The following OCLN variants were observed in gnomAD, a reference collection of about 807,000 sequenced individuals.
The protein encoded by OCLN is phosphatase 1, regulatory subunit 115.
Under a neutral mutation model 47.9 loss-of-function variants are expected in OCLN, and 21 were observed. The observed-to-expected ratio is 0.44, with a 90% CI of 0.31 to 0.63. OCLN has a LOEUF of 0.63. Ranked by LOEUF, OCLN falls within the 30% of genes least tolerant of loss-of-function variation. OCLN has a pLI of 0.08. For missense variants in OCLN, 360 were observed against 571.0 expected (o/e 0.63, Z 3.77); for synonymous variants, 117 against 198.4 (o/e 0.59, Z 3.45).
intron 1 of OCLN, among the ~76,000 whole-genome samples, chr5:69,499,068 A>G (rs1191274938): frequency 6.6e-6 from 1 of 152,018 alleles, no homozygotes; most frequent in Admixed American, 6.6e-5. Flanking sequence ...TTAAAAATCT[A>G]TTTTTTGTTT....
rs1768206377 is a variant in OCLN, at chr5:69,493,636, C to CGGAACTGCCTCCGGGCGGT, written c.-69+738_-69+756dup. On this transcript the variant is annotated intron_variant, in intron 1 of 8. Transcript: ENST00000396442. The surrounding 1 kb of genome is among the most constrained non-coding windows in gnomAD (Gnocchi z 5.3). ...ACCAAAAGGGCTGCCCCCAGGGGGG[C>CGGAACTGCCTCCGGGCGGT]GGAACTGCCTCCGGGCGGTGCCTGC... Among the ~76,000 whole-genome samples the CGGAACTGCCTCCGGGCGGT allele has an allele frequency of 6.6e-6, 1 of 152,104 alleles. No homozygotes were observed. Among genetic ancestry groups the CGGAACTGCCTCCGGGCGGT allele is most frequent in the African/African-American group, 2.4e-5 (1 of 41,428 alleles).
intron 3 of OCLN, among the ~76,000 whole-genome samples, chr5:69,512,000 A>G (rs1768800678): frequency 1.3e-5 from 2 of 149,056 alleles, no homozygotes; most frequent in Non-Finnish European, 3.0e-5. Flanking sequence ...TCCAGCCTAG[A>G]CAACAAGAGC....
chr5:69,525,880 T>C (rs1015006685), intron 4 of OCLN, among the ~76,000 whole-genome samples: 1 of 152,170 alleles, frequency 6.6e-6, no homozygotes, highest in Non-Finnish European at 1.5e-5. Flanking sequence ...AATCAACTAA[T>C]GTTTCCACTG....
intron 4 of OCLN, among the ~76,000 whole-genome samples, chr5:69,527,902 G>A (rs1244003298): frequency 6.6e-6 from 1 of 152,030 alleles, no homozygotes; most frequent in African/African-American, 2.4e-5. Context: ...GGGGGCTTAG[G>A]ATTTTATTTA....
intron 2 of OCLN, among the ~76,000 whole-genome samples, chr5:69,505,292 T>C (rs1007977790): frequency 2.6e-5 from 4 of 152,290 alleles, no homozygotes; most frequent in African/African-American, 9.6e-5. Flanking sequence ...TTTATTGAGA[T>C]ATAATTAACA....
chr5:69,506,216 A>C (rs970292383), intron 2 of OCLN, among the ~76,000 whole-genome samples: 1 of 152,232 alleles, frequency 6.6e-6, no homozygotes. Context: ...AGGCTGAGGC[A>C]GGAGGATTGC....
At chr5:69,511,848 A>C (rs1254213730) in intron 3 of OCLN, among the ~76,000 whole-genome samples, 1 of 152,040 alleles carries the variant, frequency 6.6e-6, no homozygotes, top group Non-Finnish European at 1.5e-5. Context: ...AACATGGTGA[A>C]ACTCCATCTC....
chr5:69,524,941 C>T (rs1769236330), intron 4 of OCLN, among the ~76,000 whole-genome samples: 1 of 152,100 alleles, frequency 6.6e-6, no homozygotes, highest in Admixed American at 6.6e-5. Context: ...CCTGCCTTGG[C>T]CTCCCAAAGT....
chr5:69,518,355 G>A (rs944122216), intron 4 of OCLN, among the ~76,000 whole-genome samples: 2 of 152,152 alleles, frequency 1.3e-5, no homozygotes, highest in Non-Finnish European at 2.9e-5. Context: ...AATGTTTTAT[G>A]TGATTCTTAA....
chr5:69,508,730 G>C (rs993406079), intron 2 of OCLN, among the ~76,000 whole-genome samples: 1 of 152,180 alleles, frequency 6.6e-6, no homozygotes, highest in African/African-American at 2.4e-5. Flanking sequence ...CCATTGTATG[G>C]ATATATTACA....
chr5:69,549,460 T>A (rs889418108), intron 7 of OCLN, among the ~76,000 whole-genome samples: 1 of 145,852 alleles, frequency 6.9e-6, no homozygotes, highest in African/African-American at 2.5e-5. Flanking sequence ...TAAAACAATC[T>A]CTCCAAGCAG....
At chr5:69,513,833 C>A in intron 3 of OCLN, 115 bp from the exon 4 acceptor site, 2 of 890,506 alleles carry the variant, frequency 2.2e-6, no homozygotes, top group Non-Finnish European at 3.7e-6. Flanking sequence ...ATCAATTAAA[C>A]CACATGGATT....
intron 4 of OCLN, among the ~76,000 whole-genome samples, chr5:69,527,258 CAG>C: frequency 6.7e-6 from 1 of 149,318 alleles, no homozygotes; most frequent in Non-Finnish European, 1.5e-5. Context: ...GCCTGGGTAA[CAG>C]AGTGAGACTT....
intron 1 of OCLN, among the ~76,000 whole-genome samples, chr5:69,496,002 C>A (rs747256243): frequency 1.3e-5 from 2 of 152,072 alleles, no homozygotes; most frequent in African/African-American, 2.4e-5. Context: ...CAATTTCTGA[C>A]ACAGAGTCTA....
chr5:69,506,808 T>C (rs1263852808), intron 2 of OCLN, among the ~76,000 whole-genome samples: 3 of 152,220 alleles, frequency 2.0e-5, no homozygotes, highest in Non-Finnish European at 4.4e-5. Context: ...AAGTTGTTTA[T>C]GACAATACAG....
At chr5:69,517,510 A>G (rs1042605895) in intron 4 of OCLN, among the ~76,000 whole-genome samples, 1 of 151,762 alleles carries the variant, frequency 6.6e-6, no homozygotes, top group Non-Finnish European at 1.5e-5. Context: ...ATGGGGTTTC[A>G]CCACGTTGGC....
chr5:69,548,886 G>T lies in OCLN; in HGVS notation c.1425+785G>T. Among the ~76,000 whole-genome samples the T allele has an allele frequency of 1.3e-5, 2 of 150,946 alleles. 1 individual carries two copies. The highest frequency in any genetic ancestry group is 3.0e-5 in the Non-Finnish European group (2 of 67,728). ...GAGACAGGAGAATTGCTTGAACCTG[G>T]GATGGGGGAGGTTGCAGTGAGCCAA... On this transcript the variant is annotated intron_variant, in intron 7 of 8. Transcript: ENST00000396442.
At chr5:69,526,923 G>T (rs1769296384) in intron 4 of OCLN, among the ~76,000 whole-genome samples, 1 of 152,208 alleles carries the variant, frequency 6.6e-6, no homozygotes, top group African/African-American at 2.4e-5. Context: ...TACATCCCAT[G>T]TTCACTTTGG....
At chr5:69,498,259 T>C (rs992922148) in intron 1 of OCLN, among the ~76,000 whole-genome samples, 4 of 152,192 alleles carry the variant, frequency 2.6e-5, no homozygotes, top group Non-Finnish European at 5.9e-5. Flanking sequence ...TTTGGGAGGC[T>C]GAGGTGGGTG....
Sources: allele counts gnomAD v4.1 joint callset (sites outside exome capture counted in the v4.1 genomes callset), GRCh38; gene constraint gnomAD v4.1.1; non-coding constraint Gnocchi (gnomAD v3.1); transcripts MANE v1.5; gene names NCBI Gene and HGNC (gene_info 2026-07-23, HGNC 2026-07-21).